TTN: variants seen among roughly 807,000 people sequenced by gnomAD.
TTN encodes the protein titin.
Under a neutral mutation model 3,223.0 loss-of-function variants are expected in TTN, and 1,525 were observed. That is an observed-to-expected ratio of 0.47 (90% CI 0.45 to 0.49). The LOEUF is 0.49. Ranked by LOEUF, TTN falls within the 20% of genes least tolerant of loss-of-function variation. TTN has a pLI of 0.00. For missense variants in TTN, 40,786 were observed against 43,424.0 expected (o/e 0.94, Z 5.40); for synonymous variants, 14,094 against 15,161.0 (o/e 0.93, Z 5.17).
chr2:178,595,474 T>C, intron 295 of TTN, 33 bp downstream of exon 295: 1 of 1,532,360 alleles, frequency 6.5e-7, no homozygotes, highest in Non-Finnish European at 8.8e-7. Flanking sequence ...AGTAAAGAAG[T>C]GATTAAGTAT....
At position 178,634,466 on chromosome 2, in the gene TTN, C is replaced by G; in HGVS notation, c.42315G>C (p.Lys14105Asn). The G allele has an allele frequency of 6.2e-7, 1 of 1,613,198 alleles. No individual in the cohort carries two copies. The highest frequency in any genetic ancestry group is 2.2e-5 in the East Asian group (1 of 44,760). Reference sequence around the variant, plus strand: ...AATCATTAATAACAAGAATATGTTTCTTTCCATCAGCGATGATATCAAATT... The same window carrying G: ...AATCATTAATAACAAGAATATGTTTGTTTCCATCAGCGATGATATCAAATT... ...SDKFDIIADG[K>N]KHILVINDSQ... The change falls in exon 230 of 363, where the codon AAG becomes AAC. Residue 14105 changes from lysine (K) to asparagine (N), a missense_variant. Transcript: ENST00000589042. The surrounding 1 kb of genome is among the most constrained non-coding windows in gnomAD (Gnocchi z 4.6).
At position 178,548,314 on chromosome 2, in the gene TTN, C is replaced by G. The variant is rs745736147; in HGVS notation, c.93312G>C (p.Met31104Ile). Residue 31104 changes from methionine to isoleucine, a missense_variant, in exon 339 of 363, where the codon ATG becomes ATC. Coordinates refer to ENST00000589042, the MANE Select transcript of TTN (RefSeq NM_001267550.2). This position sits in a 1 kb window ranked among gnomAD's most constrained non-coding sequence, Gnocchi z 4.3. Reference sequence around the variant, plus strand: ...GTTCTGTGGCTACAATTGGTTCTGGCATTTCATAGGGCTCACCAACACCAT... The same window carrying G: ...GTTCTGTGGCTACAATTGGTTCTGGGATTTCATAGGGCTCACCAACACCAT... ...NEYGVGEPYE[M>I]PEPIVATEQP... 3 of 1,613,800 alleles carry G rather than the reference C, an allele frequency of 1.9e-6. No individual in the cohort carries two copies. The Admixed American group carries it at 5.0e-5, about 27-fold the overall frequency.
At position 178,615,369 on chromosome 2, in the gene TTN, A is replaced by T. The variant is rs756895677; in HGVS notation, c.48576T>A (p.Val16192=). Residue 16192 remains valine (V), a synonymous_variant, in exon 259 of 363, where the codon GTT becomes GTA. Coordinates refer to ENST00000589042, the MANE Select transcript of TTN (RefSeq NM_001267550.2). ...DGGSRIKGYI[V]ERCPRGSDKW... is the part of the protein sequence containing the mutation. ...TATCAGAACCACGTGGACATCTTTC[A>T]ACTATATATCCTTTGATGCGTGAAC... 3.0e-5 allele frequency: 48 copies of T among 1,612,452 alleles called. 1 individual carries two copies. The South Asian group carries it at 5.1e-4, about 17-fold the overall frequency.
chr2:178,565,815 C>T lies in TTN; in HGVS notation c.80317G>A (p.Asp26773Asn). ...GGAGGTTCAGCAGCTTTCACGGCAT[C>T]AACAGTTTCCACTGGAACACCAACT... Reference protein sequence around the residue: ...FGVGVPVETVDAVKAAEPPSP... With the variant: ...FGVGVPVETVNAVKAAEPPSP... Residue 26773 changes from aspartate (D) to asparagine (N), a missense_variant, in exon 326 of 363, where the codon GAT becomes AAT. By Grantham distance (23) the Asp-to-Asn change is conservative. Coordinates refer to ENST00000589042, the MANE Select transcript of TTN (RefSeq NM_001267550.2). 6.2e-7 allele frequency: 1 copy of T among 1,613,672 alleles called. No homozygotes were observed. The highest frequency in any genetic ancestry group is 2.2e-5 in the East Asian group (1 of 44,862).
chr2:178,749,794 G>T (rs773040557), intron 47 of TTN: 3 of 1,613,040 alleles, frequency 1.9e-6, no homozygotes, highest in Non-Finnish European at 2.5e-6. Flanking sequence ...GAAACTTCTG[G>T]TTCTGCTTTA....
chr2:178,597,606 C>T lies in TTN; in HGVS notation c.57476G>A (p.Gly19159Asp). ...ATTTTTGGCAAGAAGAGAATAGACG[C>T]CTTGATGGCTCCTCTGGCAGTTCTT... ...VIKNCQRSHQ[G>D]VYSLLAKNEA... Residue 19159 changes from glycine (G) to aspartate (D), a missense_variant, in exon 294 of 363, where the codon GGC (glycine) becomes GAC (aspartate). Transcript: ENST00000589042. The T allele has an allele frequency of 1.9e-6, 3 of 1,613,148 alleles. No homozygotes were observed. Among genetic ancestry groups the T allele is most frequent in the Non-Finnish European group, 2.5e-6 (3 of 1,179,500 alleles).
At position 178,566,145 on chromosome 2, in the gene TTN, G is replaced by A; in HGVS notation, c.79987C>T (p.Leu26663Phe). 5.0e-6 allele frequency: 8 copies of A among 1,613,626 alleles called. No homozygotes were observed. The highest frequency in any genetic ancestry group is 5.9e-6 in the Non-Finnish European group (7 of 1,179,672). ...CDRNDAGKYI[L>F]KLENSSGSKS... Reference sequence around the variant, plus strand: ...GATCCACTGCTGTTTTCCAACTTAAGAATGTATTTTCCAGCATCATTTCTA... The same window carrying A: ...GATCCACTGCTGTTTTCCAACTTAAAAATGTATTTTCCAGCATCATTTCTA... Residue 26663 changes from leucine (L) to phenylalanine (F), a missense_variant, in exon 326 of 363, where the codon CTT becomes TTT. By Grantham distance (22) the Leu-to-Phe change is conservative. Transcript: ENST00000589042.
chr2:178,544,365 T>A lies in TTN; in HGVS notation c.95864A>T (p.Gln31955Leu), dbSNP rs552683796. 22 of 1,613,846 alleles carry A rather than the reference T, an allele frequency of 1.4e-5. No homozygotes were observed. The South Asian group carries it at 2.2e-4, about 16-fold the overall frequency. ...VLEMQEKDTD[Q>L]WYRVHTNATI... Reference sequence around the variant, plus strand: ...GGCATTGGTATGCACTCGGTACCACTGATCAGTGTCCTTCTCTTGCATTTC... The same window carrying A: ...GGCATTGGTATGCACTCGGTACCACAGATCAGTGTCCTTCTCTTGCATTTC... The change falls in exon 345 of 363, where the codon CAG (glutamine) becomes CTG (leucine). Residue 31955 changes from glutamine to leucine, a missense_variant. Coordinates refer to ENST00000589042, the MANE Select transcript of TTN (RefSeq NM_001267550.2).
At position 178,532,204 on chromosome 2, in the gene TTN, C is replaced by T. The variant is rs1689436001; in HGVS notation, c.104411G>A (p.Arg34804Lys). Residue 34804 changes from arginine (R) to lysine (K), a missense_variant, in exon 358 of 363, where the codon AGG (arginine) becomes AAG (lysine). Transcript: ENST00000589042. ...TATTTCTGTCACTTCTCTTTGTCGC[C>T]TTGATTTCTTTCTAGACTTTTCCTC... ...SKEEKSRKKS[R>K]RQREVTEITE... 1.2e-6 allele frequency: 2 copies of T among 1,613,352 alleles called. No individual in the cohort carries two copies. The highest frequency in any genetic ancestry group is 1.7e-5 in the Admixed American group (1 of 59,980).
At chr2:178,613,693 A>G in intron 263 of TTN, 58 bp downstream of exon 263, 4 of 1,537,880 alleles carry the variant, frequency 2.6e-6, no homozygotes, top group East Asian at 2.3e-5. Context: ...GGAATACTAA[A>G]GAGTAAACAT....
chr2:178,558,425 A>G lies in TTN; in HGVS notation c.87034T>C (p.Phe29012Leu). The G allele has an allele frequency of 6.2e-7, 1 of 1,613,746 alleles. No homozygotes were observed. Among genetic ancestry groups the G allele is most frequent in the Non-Finnish European group, 8.5e-7 (1 of 1,179,818 alleles). ...VSGLRENSEYFFRVFAENQAG... is the reference protein window; with the variant it reads ...VSGLRENSEYLFRVFAENQAG... ...TGATTTTCAGCAAACACTCGGAAAA[A>G]GTATTCAGAATTCTCTCTCAGACCG... The change falls in exon 327 of 363, where the codon TTT becomes CTT. Residue 29012 changes from phenylalanine to leucine, a missense_variant. Transcript: ENST00000589042.
At position 178,756,401 on chromosome 2, in the gene TTN, G is replaced by A. The variant is rs767415803; in HGVS notation, c.11075C>T (p.Thr3692Ile). 1.5e-5 allele frequency: 25 copies of A among 1,613,754 alleles called. No homozygotes were observed. The highest frequency in any genetic ancestry group is 1.9e-5 in the Non-Finnish European group (23 of 1,179,802). Reference sequence around the variant, plus strand: ...TATCTTTGCACCTTCGTGAGTCCAGGTTACATCAATGAAAGAATCATCTTT... The same window carrying A: ...TATCTTTGCACCTTCGTGAGTCCAGATTACATCAATGAAAGAATCATCTTT... ...VLKDDSFIDV[T>I]WTHEGAKIEE... Residue 3692 changes from threonine to isoleucine, a missense_variant, in exon 46 of 363, where the codon ACC becomes ATC. By Grantham distance (89) the Thr-to-Ile change is moderately conservative (BLOSUM62 -1). Coordinates refer to ENST00000589042, the MANE Select transcript of TTN (RefSeq NM_001267550.2).
In TTN at chr2:178,624,289, T is replaced by G. The variant is rs137910246; in HGVS notation, c.44815+176A>C. On this transcript the variant is annotated intron_variant, in intron 242 of 362. Coordinates refer to ENST00000589042, the MANE Select transcript of TTN (RefSeq NM_001267550.2). Reference sequence around the variant, plus strand: ...TCAGACCAGACATAGAATAAGACTTTTCTTTTCTTTTTTTCTTTAAACACA... The same window carrying G: ...TCAGACCAGACATAGAATAAGACTTGTCTTTTCTTTTTTTCTTTAAACACA... 1.5e-3 allele frequency among the ~76,000 whole-genome samples: 223 copies of G among 152,094 alleles called. 2 individuals are homozygous for G. The highest frequency in any genetic ancestry group is 3.9e-3 in the East Asian group (20 of 5,128).
At position 178,536,358 on chromosome 2, in the gene TTN, G is replaced by A. The variant is rs368984050; in HGVS notation, c.100389C>T (p.Tyr33463=). The A allele has an allele frequency of 5.6e-5, 91 of 1,613,674 alleles. No homozygotes were observed. In the African/African-American group the frequency reaches 7.1e-4, roughly 13 times the overall value. ...SVKNLIEGLE[Y]EFRVKCENLG... ...GATTTTCACATTTCACACGAAACTC[G>A]TATTCAAGACCTTCAATAAGGTTTT... The change falls in exon 357 of 363, where the codon TAC becomes TAT. Residue 33463 remains tyrosine (Y), a synonymous_variant. Transcript: ENST00000589042.
At position 178,546,424 on chromosome 2, in the gene TTN, T is replaced by C. The variant is rs767187943; in HGVS notation, c.94907A>G (p.Asp31636Gly). ...TIRAGSDLVL[D>G]AAVGGKPEPK... ...TTCAGGTTTGCCACCAACTGCAGCA[T>C]CCAGAACAAGATCAGAACCTGCTCT... The change falls in exon 342 of 363, where the codon GAT becomes GGT. Residue 31636 changes from aspartate to glycine, a missense_variant. Physicochemically the swap from Asp to Gly is moderately conservative, Grantham distance 94. Coordinates refer to ENST00000589042, the MANE Select transcript of TTN (RefSeq NM_001267550.2). 3.7e-6 allele frequency: 6 copies of C among 1,613,624 alleles called. No individual in the cohort carries two copies. The East Asian group carries it at 1.3e-4, about 36-fold the overall frequency.
intron 242 of TTN, 124 bp from the exon 243 acceptor site, chr2:178,622,891 T>G: frequency 1.3e-6 from 1 of 754,722 alleles, no homozygotes; most frequent in Middle Eastern, 3.1e-4. Flanking sequence ...AGACTACAAC[T>G]GACTTTGAAA....
Position 178,580,342 on chromosome 2 carries a change from G to T in TTN, c.67037C>A (p.Thr22346Asn), listed in dbSNP as rs1283475494. ...CTTACCAAGCACTTTCACAACAATG[G>T]TATATTCCTTTTTACCACAGCTGTT... ...LENSCGKKEY[T>N]IVVKVLDTPG... Residue 22346 changes from threonine to asparagine, a missense_variant, in exon 317 of 363, where the codon ACC (threonine) becomes AAC (asparagine). Physicochemically the swap from Thr to Asn is moderately conservative, Grantham distance 65 (BLOSUM62 0). Transcript: ENST00000589042. The T allele has an allele frequency of 1.9e-6, 3 of 1,612,944 alleles. No individual in the cohort carries two copies. In the African/African-American group the frequency reaches 4.0e-5, roughly 22 times the overall value.
Position 178,589,405 on chromosome 2 carries a change from T to G in TTN, c.62320A>C (p.Lys20774Gln). Residue 20774 changes from lysine to glutamine, a missense_variant, in exon 304 of 363, where the codon AAA (lysine) becomes CAA (glutamine). Coordinates refer to ENST00000589042, the MANE Select transcript of TTN (RefSeq NM_001267550.2). The stretch of plus-strand genomic sequence containing the variant: ...TTGACAGTTAGGACCCCACTTAATT[T>G]CAGATCAAGTACTGGTTTTTGTAAG... ...EDLQKPVLDL[K>Q]LSGVLTVKAG... 6.2e-7 allele frequency: 1 copy of G among 1,613,460 alleles called. No homozygotes were observed. The highest frequency in any genetic ancestry group is 8.5e-7 in the Non-Finnish European group (1 of 1,179,652).
chr2:178,698,916 T>TAAAAAAAAAA lies in TTN; in HGVS notation c.30683-12_30683-3dup, dbSNP rs368277751. ...CTTTCTTCACAGCCTTTTTGGTAAC[T>TAAAAAAAAAA]AAAAAAAAAAAAAAAGAAAAAAAAA... On this transcript the variant is annotated splice_polypyrimidine_tract_variant and splice_region_variant and intron_variant, in intron 111 of 362. Coordinates refer to ENST00000589042, the MANE Select transcript of TTN (RefSeq NM_001267550.2). 390 of 1,314,620 alleles carry TAAAAAAAAAA rather than the reference T, an allele frequency of 3.0e-4. No individual in the cohort carries two copies. Among genetic ancestry groups the TAAAAAAAAAA allele is most frequent in the East Asian group, 1.4e-3 (51 of 35,622 alleles). 81.4% of individuals were successfully genotyped at this position (1,314,620 alleles called of 1,614,324 possible). A position where few individuals can be genotyped will look rare whatever the true frequency, so the allele number is the denominator to read the frequency against.
Sources: gnomAD v4.1 joint callset for allele counts (sites outside exome capture counted in the v4.1 genomes callset) on GRCh38, gnomAD v4.1.1 for gene constraint, Gnocchi (gnomAD v3.1) non-coding constraint, MANE v1.5 for transcripts, NCBI Gene and HGNC (gene_info 2026-07-23, HGNC 2026-07-21) for gene names.